The following ARL5B variants were observed in gnomAD, a reference collection of about 807,000 sequenced individuals.
ARL5B encodes ARF like GTPase 5B.
A neutral mutation model predicts 26.9 loss-of-function variants in ARL5B; 10 were observed. The ratio of observed to expected loss-of-function variants is 0.37; its 90% confidence interval spans 0.23 to 0.63. The LOEUF (loss-of-function observed/expected upper bound fraction) is 0.63. Among genes scored for constraint, ARL5B ranks in the 30% least tolerant of loss-of-function variants. The probability of loss-of-function intolerance (pLI) is 0.62; values close to 1 mark genes in which losing one functional copy is unlikely to be tolerated. For missense variants in ARL5B, 167 were observed against 213.9 expected (o/e 0.78, Z 1.37); for synonymous variants, 87 against 70.4 (o/e 1.24, Z -1.18).
intron 3 of ARL5B, among the ~76,000 whole-genome samples, chr10:18,670,557 G>A (rs139542874): frequency 0.14 from 21,870 of 152,196 alleles, 1,735 homozygotes; most frequent in Middle Eastern, 0.24. Context: ...GTGGCAGTGA[G>A]CTGAGATAGC....
At chr10:18,675,143 A>T (rs1267949718) in intron 5 of ARL5B, 25 bp from the exon 6 acceptor site, 2 of 1,607,266 alleles carry the variant, frequency 1.2e-6, no homozygotes, top group Admixed American at 3.4e-5. Flanking sequence ...GTTTTTAATT[A>T]AAAATACTTC....
chr10:18,672,725 C>G lies in ARL5B; in HGVS notation c.339+20C>G, dbSNP rs1014527274. The G allele has an allele frequency of 1.9e-6, 3 of 1,555,238 alleles. No homozygotes were observed. The highest frequency in any genetic ancestry group is 2.6e-6 in the Non-Finnish European group (3 of 1,132,848). On this transcript the variant is annotated intron_variant, in intron 4 of 5. Transcript: ENST00000377275. ...CATGAGGTAAATTTTTAAAGTAAAT[C>G]TTTAAAAAACAGTGTAGTAAAGTAT...
intron 2 of ARL5B, among the ~76,000 whole-genome samples, chr10:18,667,615 G>T (rs1367981594): frequency 6.6e-6 from 1 of 152,044 alleles, no homozygotes; most frequent in East Asian, 1.9e-4. Context: ...TACTGGCAAG[G>T]GCATATTTGT....
At position 18,672,643 on chromosome 10, in the gene ARL5B, A is replaced by G; in HGVS notation, c.277A>G (p.Ser93Gly). ...CTAGTTCATCATTCTTGTTGTTGAT[A>G]GCATTGACAGGGAACGACTAGCTAT... Reference protein sequence around the residue: ...NTEFIILVVDSIDRERLAITK... With the variant: ...NTEFIILVVDGIDRERLAITK... The change falls in exon 4 of 6, where the codon AGC (serine) becomes GGC (glycine). Residue 93 changes from serine (S) to glycine (G), a missense_variant. Physicochemically the swap from Ser to Gly is moderately conservative, Grantham distance 56 (BLOSUM62 0). Transcript: ENST00000377275. 6.2e-7 allele frequency: 1 copy of G among 1,610,088 alleles called. No homozygotes were observed. Among genetic ancestry groups the G allele is most frequent in the Non-Finnish European group, 8.5e-7 (1 of 1,178,076 alleles).
At position 18,666,755 on chromosome 10, in the gene ARL5B, GT is replaced by G. The variant is rs1224613340; in HGVS notation, c.107+127del. The G allele has an allele frequency of 8.4e-6, 7 of 831,048 alleles. No homozygotes were observed. In the South Asian group the frequency reaches 1.1e-4, roughly 13 times the overall value. 51.5% of individuals were successfully genotyped at this position (831,048 alleles called of 1,614,324 possible). On this transcript the variant is annotated intron_variant, in intron 2 of 5. Coordinates refer to ENST00000377275, the MANE Select transcript of ARL5B (RefSeq NM_178815.5). ...CTTAAATATATGTTTTTTGTTTTTT[GT>G]TTTTTTAATTTTACCGAACACAATC...
chr10:18,661,999 G>A (rs1377508020), intron 1 of ARL5B, among the ~76,000 whole-genome samples: 1 of 152,198 alleles, frequency 6.6e-6, no homozygotes, highest in Non-Finnish European at 1.5e-5. Flanking sequence ...ACTCTCTAGA[G>A]CAAGGAATGG....
At chr10:18,671,572 T>C (rs1022128961) in intron 3 of ARL5B, among the ~76,000 whole-genome samples, 7 of 152,126 alleles carry the variant, frequency 4.6e-5, no homozygotes, top group African/African-American at 1.4e-4. Flanking sequence ...TTCATCTCAT[T>C]TCTTAACTTT....
rs1037186667 is a variant in ARL5B at position 18,678,140 on chromosome 10, C to G, written c.*2924C>G. 6.6e-6 allele frequency: 1 copy of G among 151,554 alleles called. No individual in the cohort carries two copies. Among genetic ancestry groups the G allele is most frequent in the Non-Finnish European group, 1.5e-5 (1 of 67,702 alleles). The allele number at this position is 151,554 out of a possible 1,614,324, so 9.4% of individuals were successfully genotyped here. On this transcript the variant is annotated 3_prime_UTR_variant, in exon 6 of 6. Coordinates refer to ENST00000377275, the MANE Select transcript of ARL5B (RefSeq NM_178815.5). ...GGAATATTTTTTATTGTTAATGTAA[C>G]TTAATTCCTTAAAACCTGGAATATT...
intron 4 of ARL5B, among the ~76,000 whole-genome samples, chr10:18,673,264 C>A (rs139545633): frequency 0.012 from 1,837 of 152,020 alleles, 13 homozygotes; most frequent in Non-Finnish European, 0.02. Flanking sequence ...ATTTCACCAT[C>A]TTCGCCAGCC....
intron 1 of ARL5B, 94 bp from the exon 2 acceptor site, chr10:18,666,481 C>A: frequency 9.8e-7 from 1 of 1,016,386 alleles, no homozygotes; most frequent in Non-Finnish European, 1.4e-6. Flanking sequence ...GTGAATGATT[C>A]TCATTAATGA....
chr10:18,667,627 G>A lies in ARL5B; in HGVS notation c.108-903G>A, dbSNP rs979586652. Among the ~76,000 whole-genome samples, 3 of 151,974 alleles carry A rather than the reference G, an allele frequency of 2.0e-5. No homozygotes were observed. The South Asian group carries it at 6.2e-4, about 32-fold the overall frequency. Reference sequence around the variant, plus strand: ...TGTTACTGGCAAGGGCATATTTGTTGAATTAATTGATTAATGTAGCTTTAC... The same window carrying A: ...TGTTACTGGCAAGGGCATATTTGTTAAATTAATTGATTAATGTAGCTTTAC... On this transcript the variant is annotated intron_variant, in intron 2 of 5. Transcript: ENST00000377275.
At chr10:18,669,549 T>A (rs1030126187) in intron 3 of ARL5B, among the ~76,000 whole-genome samples, 1 of 152,334 alleles carries the variant, frequency 6.6e-6, no homozygotes, top group Admixed American at 6.5e-5. Flanking sequence ...CTTTTATTTC[T>A]TATTAGAGGC....
At chr10:18,670,377 G>C (rs1366949374) in intron 3 of ARL5B, among the ~76,000 whole-genome samples, 1 of 152,202 alleles carries the variant, frequency 6.6e-6, no homozygotes, top group East Asian at 1.9e-4. Context: ...TTGGTAGGCC[G>C]AGGTGGGCAG....
chr10:18,670,486 C>T (rs886102824), intron 3 of ARL5B, among the ~76,000 whole-genome samples: 3 of 152,198 alleles, frequency 2.0e-5, no homozygotes, highest in Admixed American at 2.0e-4. Context: ...TGGCATGTGC[C>T]TGTAGTCCCA....
chr10:18,668,138 C>G (rs2059869818), intron 2 of ARL5B, among the ~76,000 whole-genome samples: 1 of 152,028 alleles, frequency 6.6e-6, no homozygotes, highest in African/African-American at 2.4e-5. Context: ...TATAGATAGC[C>G]TGCTATCCAA....
chr10:18,659,612 C>T lies in ARL5B; in HGVS notation c.-26C>T. Reference sequence around the variant, plus strand: ...CGCAGCGGCACCTGCTGCCGAGGGACCCCGCGGCCCGCCCCGGTGCTCGTG... The same window carrying T: ...CGCAGCGGCACCTGCTGCCGAGGGATCCCGCGGCCCGCCCCGGTGCTCGTG... On this transcript the variant is annotated 5_prime_UTR_variant, in exon 1 of 6. Coordinates refer to ENST00000377275, the MANE Select transcript of ARL5B (RefSeq NM_178815.5). 6.2e-7 allele frequency: 1 copy of T among 1,604,542 alleles called. No individual in the cohort carries two copies. Among genetic ancestry groups the T allele is most frequent in the Non-Finnish European group, 8.5e-7 (1 of 1,176,064 alleles).
At chr10:18,669,860 G>T (rs990899462) in intron 3 of ARL5B, among the ~76,000 whole-genome samples, 1 of 151,964 alleles carries the variant, frequency 6.6e-6, no homozygotes, top group African/African-American at 2.4e-5. Context: ...GGGCGTGGTG[G>T]GGCAGACTTG....
At position 18,671,944 on chromosome 10, in the gene ARL5B, T is replaced by C. The variant is rs150222795; in HGVS notation, c.256-678T>C. 2.2e-3 allele frequency among the ~76,000 whole-genome samples: 337 copies of C among 152,340 alleles called. 1 individual carries two copies. Among genetic ancestry groups the C allele is most frequent in the African/African-American group, 7.7e-3 (322 of 41,584 alleles). ...GGGATTATATGTGTGTGAGCCACAA[T>C]GCCTGGCCTATATCTTCTTATTTTT... is the stretch of plus-strand genomic sequence containing the variant. On this transcript the variant is annotated intron_variant, in intron 3 of 5. Coordinates refer to ENST00000377275, the MANE Select transcript of ARL5B (RefSeq NM_178815.5).
chr10:18,671,303 G>A (rs1450855699), intron 3 of ARL5B, among the ~76,000 whole-genome samples: 2 of 151,966 alleles, frequency 1.3e-5, no homozygotes, highest in African/African-American at 2.4e-5. Context: ...CTCCGAAGTA[G>A]CAGGGACTAC....
Sources: gnomAD v4.1 joint callset for allele counts (sites outside exome capture counted in the v4.1 genomes callset) on GRCh38, gnomAD v4.1.1 for gene constraint, MANE v1.5 for transcripts, NCBI Gene and HGNC (gene_info 2026-07-23, HGNC 2026-07-21) for gene names.